The following MYO1D variants were observed in gnomAD, a reference collection of about 807,000 sequenced individuals.
The protein encoded by MYO1D is unconventional myosin-Id.
In MYO1D, 83 loss-of-function variants were observed where a neutral mutation model predicts 122.0. The ratio of observed to expected loss-of-function variants is 0.68; its 90% CI spans 0.57 to 0.82. MYO1D has a LOEUF of 0.82. MYO1D is among the 40% of genes least tolerant of loss of function. The pLI, the probability that MYO1D is intolerant of heterozygous loss-of-function variation, is 0.00. For missense variants in MYO1D, 1,157 were observed against 1,269.5 expected, an observed-to-expected ratio of 0.91 and a Z score of 1.35; for synonymous variants, 464 against 446.9, an observed-to-expected ratio of 1.04 and a Z score of -0.48.
At chr17:32,652,269 A>G (rs1048844294) in intron 19 of MYO1D, among the ~76,000 whole-genome samples, 4 of 152,208 alleles carry the variant, frequency 2.6e-5, no homozygotes, top group Admixed American at 2.0e-4. Context: ...ATCCTTATAA[A>G]CATTGGTTAT....
At chr17:32,814,587 G>A (rs1379465766) in intron 1 of MYO1D, among the ~76,000 whole-genome samples, 1 of 152,196 alleles carries the variant, frequency 6.6e-6, no homozygotes, top group East Asian at 1.9e-4. Flanking sequence ...ATGAAAGCAA[G>A]AGAAAGAATT....
At chr17:32,680,656 G>C (rs868551213) in intron 16 of MYO1D, among the ~76,000 whole-genome samples, 1 of 149,614 alleles carries the variant, frequency 6.7e-6, no homozygotes. Flanking sequence ...TGCTGGATTC[G>C]GTTTGCCAGT....
intron 20 of MYO1D, among the ~76,000 whole-genome samples, chr17:32,605,788 C>G (rs981289495): frequency 6.6e-6 from 1 of 151,900 alleles, no homozygotes; most frequent in Non-Finnish European, 1.5e-5. Context: ...TAGTTAAAAC[C>G]AAATAATTCT....
At chr17:32,583,410 T>C (rs911981332) in intron 21 of MYO1D, among the ~76,000 whole-genome samples, 5 of 152,188 alleles carry the variant, frequency 3.3e-5, no homozygotes, top group Non-Finnish European at 7.4e-5. Flanking sequence ...AGGGTTTATA[T>C]AGTTTTCATC....
chr17:32,519,155 C>T (rs1466209804), intron 21 of MYO1D: 1 of 152,456 alleles, frequency 6.6e-6, no homozygotes, highest in Non-Finnish European at 1.5e-5. Context: ...CCTAGCTCTG[C>T]TATGCGCGGT....
At chr17:32,835,230 C>A (rs1343203079) in intron 1 of MYO1D, among the ~76,000 whole-genome samples, 1 of 151,134 alleles carries the variant, frequency 6.6e-6, no homozygotes, top group Non-Finnish European at 1.5e-5. Flanking sequence ...GGCTGCTTGG[C>A]AAATACCCAT....
intron 20 of MYO1D, among the ~76,000 whole-genome samples, chr17:32,612,596 G>A (rs1403773231): frequency 6.7e-6 from 1 of 150,310 alleles, no homozygotes; most frequent in Non-Finnish European, 1.5e-5. Flanking sequence ...TGAGGCAGGA[G>A]GATTGCTTGA....
rs1297935511 is a variant in MYO1D, at chr17:32,780,734, A to G, written c.146T>C (p.Val49Ala). ...GATGTTCAACAACTTGTAAGGGTTC[A>G]CAGAAACGACGACTTCTCCAATGAA... ...YTFIGEVVVS[V>A]NPYKLLNIYG... Residue 49 changes from valine to alanine, a missense_variant, in exon 2 of 22, where the codon GTG becomes GCG. Coordinates refer to ENST00000318217, the MANE Select transcript of MYO1D (RefSeq NM_015194.3). 6.2e-7 allele frequency: 1 copy of G among 1,614,178 alleles called. No homozygotes were observed. Among genetic ancestry groups the G allele is most frequent in the Non-Finnish European group, 8.5e-7 (1 of 1,180,024 alleles).
chr17:32,668,705 C>CT lies in MYO1D; in HGVS notation c.2122-9368dup, dbSNP rs528450969. Among the ~76,000 whole-genome samples, 463 of 141,824 alleles carry CT rather than the reference C, an allele frequency of 3.3e-3. 3 individuals carry two copies. The highest frequency in any genetic ancestry group is 0.015 in the Middle Eastern group (4 of 262). 93.0% of individuals were successfully genotyped at this position (141,824 alleles called of 152,430 possible). On this transcript the variant is annotated intron_variant, in intron 16 of 21. Coordinates refer to ENST00000318217, the MANE Select transcript of MYO1D (RefSeq NM_015194.3). ...TTAGAAGCTCTGAGAATTTCTTTTT[C>CT]TTTTTTTTTTTTTTGAGATGGAGTC...
intron 1 of MYO1D, among the ~76,000 whole-genome samples, chr17:32,783,536 T>C (rs1483372251): frequency 6.6e-6 from 1 of 152,162 alleles, no homozygotes. Flanking sequence ...AGAAAATAAT[T>C]GAATGCATAA....
At chr17:32,782,087 T>C (rs2090244965) in intron 1 of MYO1D, among the ~76,000 whole-genome samples, 1 of 152,334 alleles carries the variant, frequency 6.6e-6, no homozygotes, top group Middle Eastern at 3.4e-3. Flanking sequence ...GAGAAATAAC[T>C]AAGCATTTGG....
chr17:32,500,745 G>T (rs956441847), intron 21 of MYO1D, among the ~76,000 whole-genome samples: 8 of 152,102 alleles, frequency 5.3e-5, no homozygotes, highest in African/African-American at 1.9e-4. Flanking sequence ...AGTGGCTCAC[G>T]CCGGTAATCC....
At chr17:32,654,078 G>T in intron 18 of MYO1D, 131 bp from the exon 19 acceptor site, 1 of 667,720 alleles carries the variant, frequency 1.5e-6, no homozygotes, top group Non-Finnish European at 2.4e-6. Flanking sequence ...CCTCACCCCA[G>T]ATGGTAAGCT....
At chr17:32,643,757 G>A (rs1179067632) in intron 19 of MYO1D, among the ~76,000 whole-genome samples, 6 of 151,832 alleles carry the variant, frequency 4.0e-5, no homozygotes, top group East Asian at 3.9e-4. Flanking sequence ...CTGTGGGATC[G>A]GTGGTGATAT....
chr17:32,832,293 C>CTTTTTTTTTTT (rs955471882), intron 1 of MYO1D, among the ~76,000 whole-genome samples: 2 of 139,858 alleles, frequency 1.4e-5, no homozygotes, highest in Non-Finnish European at 3.1e-5. Flanking sequence ...TTTCTTTCTT[C>CTTTTTTTTTTT]TTTTTTTTTT....
At chr17:32,736,137 T>C (rs1042562590) in intron 14 of MYO1D, among the ~76,000 whole-genome samples, 1 of 152,018 alleles carries the variant, frequency 6.6e-6, no homozygotes. Context: ...TACTGATAAG[T>C]TGTCTATATT....
At chr17:32,700,768 AC>A (rs1461509107) in intron 16 of MYO1D, among the ~76,000 whole-genome samples, 2 of 151,998 alleles carry the variant, frequency 1.3e-5, no homozygotes, top group Non-Finnish European at 2.9e-5. Context: ...ACATGGTGAA[AC>A]CCTGTTTCTA....
At chr17:32,563,835 T>C (rs748073656) in intron 21 of MYO1D, among the ~76,000 whole-genome samples, 8 of 152,190 alleles carry the variant, frequency 5.3e-5, no homozygotes, top group Non-Finnish European at 1.2e-4. Context: ...TACATATTGG[T>C]TTAAGATAAG....
intron 1 of MYO1D, among the ~76,000 whole-genome samples, chr17:32,814,569 T>C (rs150319425): frequency 1.5e-4 from 23 of 152,278 alleles, no homozygotes; most frequent in Admixed American, 4.6e-4. Context: ...GACATATAAT[T>C]TGGAGTAATG....
Sources: gnomAD v4.1 joint callset for allele counts (sites outside exome capture counted in the v4.1 genomes callset) on GRCh38, gnomAD v4.1.1 for gene constraint, MANE v1.5 for transcripts, NCBI Gene and HGNC (gene_info 2026-07-23, HGNC 2026-07-21) for gene names.